Variants in ADAMTS19 observed in about 807,000 individuals in gnomAD.
ADAMTS19 encodes the protein A disintegrin and metalloproteinase with thrombospondin motifs 19.
In ADAMTS19, 93 loss-of-function variants were observed where a neutral mutation model predicts 153.3. The observed-to-expected ratio is 0.61, with a 90% CI of 0.51 to 0.72. The LOEUF (loss-of-function observed/expected upper bound fraction) is 0.72. Ranked by LOEUF, ADAMTS19 falls within the 30% of genes least tolerant of loss-of-function variation. ADAMTS19 has a pLI of 0.00. For synonymous variants in ADAMTS19, 600 were observed against 556.6 expected (o/e 1.08, Z -1.10); for missense variants, 1,482 against 1,552.1 (o/e 0.95, Z 0.76).
intron 11 of ADAMTS19, among the ~76,000 whole-genome samples, chr5:129,644,649 C>T (rs1384407159): frequency 1.3e-5 from 2 of 151,906 alleles, no homozygotes; most frequent in Non-Finnish European, 2.9e-5. Flanking sequence ...TTTCAATTTA[C>T]AATACAAATA....
chr5:129,460,543 T>C (rs1749612740), intron 1 of ADAMTS19, 61 bp downstream of exon 1: 2 of 1,600,022 alleles, frequency 1.2e-6, no homozygotes, highest in Non-Finnish European at 1.7e-6. Flanking sequence ...ACCGCGAACG[T>C]ACGGGTCGGC....
chr5:129,636,616 T>C (rs996352644), intron 10 of ADAMTS19, among the ~76,000 whole-genome samples: 9 of 152,190 alleles, frequency 5.9e-5, no homozygotes, highest in African/African-American at 2.2e-4. Flanking sequence ...TAGCTATGTA[T>C]GTGGAGTGGA....
At chr5:129,562,158 G>T (rs1263942824) in intron 7 of ADAMTS19, among the ~76,000 whole-genome samples, 1 of 152,242 alleles carries the variant, frequency 6.6e-6, no homozygotes, top group African/African-American at 2.4e-5. Context: ...AGCACAGCTG[G>T]CTCAGCTCAT....
At chr5:129,624,187 G>C (rs983880235) in intron 10 of ADAMTS19, among the ~76,000 whole-genome samples, 2 of 149,804 alleles carry the variant, frequency 1.3e-5, no homozygotes, top group Admixed American at 1.3e-4. Flanking sequence ...AAAGGAAATG[G>C]TGTTGCTATG....
At position 129,526,295 on chromosome 5, in the gene ADAMTS19, C is replaced by T; in HGVS notation, c.925C>T (p.Pro309Ser). 6.3e-7 allele frequency: 1 copy of T among 1,583,636 alleles called. No homozygotes were observed. The highest frequency in any genetic ancestry group is 8.6e-7 in the Non-Finnish European group (1 of 1,168,640). ...YCGIISDKGRPRSRKIAESGR... is the reference protein window; with the variant it reads ...YCGIISDKGRSRSRKIAESGR... ...ATTCTCTGTTGCAGATAAAGGAAGA[C>T]CTAGGTCTAGAAAAATAGCAGAAAG... Residue 309 changes from proline to serine, a missense_variant, in exon 4 of 23, where the codon CCT (proline) becomes TCT (serine). Coordinates refer to ENST00000274487, the MANE Select transcript of ADAMTS19 (RefSeq NM_133638.6).
At position 129,737,299 on chromosome 5, in the gene ADAMTS19, A is replaced by G. The variant is rs1757712067; in HGVS notation, c.*81A>G. 7.9e-7 allele frequency: 1 copy of G among 1,273,358 alleles called. No homozygotes were observed. Among genetic ancestry groups the G allele is most frequent in the Admixed American group, 3.1e-5 (1 of 32,402 alleles). 78.9% of individuals were successfully genotyped at this position (1,273,358 alleles called of 1,614,324 possible). On this transcript the variant is annotated 3_prime_UTR_variant, in exon 23 of 23. Coordinates refer to ENST00000274487, the MANE Select transcript of ADAMTS19 (RefSeq NM_133638.6). ...ACACACTAGCATGTTTTTCAGACCA[A>G]ATATTATCAGATTACATATAATTTA... is the stretch of plus-strand genomic sequence containing the variant.
intron 21 of ADAMTS19, among the ~76,000 whole-genome samples, chr5:129,730,092 G>A (rs192216161): frequency 6.6e-6 from 1 of 152,012 alleles, no homozygotes; most frequent in Non-Finnish European, 1.5e-5. Context: ...AAACTGTATT[G>A]CATTGTCCTG....
intron 6 of ADAMTS19, among the ~76,000 whole-genome samples, chr5:129,546,982 T>A (rs1392239968): frequency 6.6e-6 from 1 of 151,020 alleles, no homozygotes; most frequent in Non-Finnish European, 1.5e-5. Flanking sequence ...GAGGAAGAGC[T>A]TTAGACATTC....
Position 129,737,058 on chromosome 5 carries a change from G to A in ADAMTS19, c.3491-9G>A. On this transcript the variant is annotated splice_polypyrimidine_tract_variant and intron_variant, in intron 22 of 22. Coordinates refer to ENST00000274487, the MANE Select transcript of ADAMTS19 (RefSeq NM_133638.6). ...GCATGGAGTGAATTCACTATGTTCT[G>A]TTTCACAGCTGCTCTGACTTTCAAG... is the stretch of plus-strand genomic sequence containing the variant. The A allele has an allele frequency of 6.3e-7, 1 of 1,578,004 alleles. No homozygotes were observed.
intron 7 of ADAMTS19, among the ~76,000 whole-genome samples, chr5:129,564,252 C>T (rs141091940): frequency 2.0e-5 from 3 of 152,060 alleles, no homozygotes; most frequent in African/African-American, 7.2e-5. Flanking sequence ...CTTGTGAGAC[C>T]TTAAGCAGAG....
At chr5:129,498,234 T>A (rs1750988380) in intron 2 of ADAMTS19, among the ~76,000 whole-genome samples, 1 of 152,060 alleles carries the variant, frequency 6.6e-6, no homozygotes, top group South Asian at 2.1e-4. Context: ...AAGTCTTGTG[T>A]CTCTCCATTT....
At chr5:129,502,211 G>A (rs1164495460) in intron 2 of ADAMTS19, among the ~76,000 whole-genome samples, 2 of 152,164 alleles carry the variant, frequency 1.3e-5, no homozygotes, top group Non-Finnish European at 1.5e-5. Context: ...AGAAAAGTGG[G>A]CAAGGATCAA....
At chr5:129,605,761 T>C (rs1484449520) in intron 8 of ADAMTS19, among the ~76,000 whole-genome samples, 1 of 152,142 alleles carries the variant, frequency 6.6e-6, no homozygotes, top group African/African-American at 2.4e-5. Flanking sequence ...TAATAGAGTT[T>C]TACATTTGTA....
At chr5:129,556,779 G>A (rs1753328947) in intron 7 of ADAMTS19, among the ~76,000 whole-genome samples, 2 of 152,176 alleles carry the variant, frequency 1.3e-5, no homozygotes, top group Non-Finnish European at 2.9e-5. Context: ...GGGGTTACTA[G>A]TGAAGAAATG....
intron 8 of ADAMTS19, among the ~76,000 whole-genome samples, chr5:129,598,175 AT>A (rs1293453795): frequency 6.6e-6 from 1 of 152,094 alleles, no homozygotes; most frequent in Non-Finnish European, 1.5e-5. Flanking sequence ...TAAAAGTAAG[AT>A]TTGCAGACCT....
At chr5:129,658,060 A>G (rs1383819178) in intron 14 of ADAMTS19, among the ~76,000 whole-genome samples, 4 of 152,094 alleles carry the variant, frequency 2.6e-5, no homozygotes, top group Non-Finnish European at 1.5e-5. Flanking sequence ...CAAGGCAGGC[A>G]GATTACTTGA....
intron 7 of ADAMTS19, among the ~76,000 whole-genome samples, chr5:129,595,905 A>C (rs999110566): frequency 6.6e-6 from 1 of 151,978 alleles, no homozygotes; most frequent in Non-Finnish European, 1.5e-5. Flanking sequence ...AAATATTGCC[A>C]TTTTTACTGA....
intron 8 of ADAMTS19, among the ~76,000 whole-genome samples, chr5:129,598,777 T>C (rs533857150): frequency 6.6e-6 from 1 of 152,312 alleles, no homozygotes; most frequent in African/African-American, 2.4e-5. Context: ...AGATATGCAG[T>C]TGTCCCTCGG....
At position 129,615,554 on chromosome 5, in the gene ADAMTS19, T is replaced by C. The variant is rs1225321838; in HGVS notation, c.1479-5064T>C. Among the ~76,000 whole-genome samples the C allele has an allele frequency of 2.0e-5, 3 of 151,986 alleles. No individual in the cohort carries two copies. In the Admixed American group the frequency reaches 2.0e-4, roughly 10 times the overall value. ...TGATTCTGATGCAAGTGGTTCATTA[T>C]TAACATTTTTAGAATCTCTGTTTGC... On this transcript the variant is annotated intron_variant, in intron 8 of 22. Transcript: ENST00000274487.
Sources: gnomAD v4.1 joint callset for allele counts (sites outside exome capture counted in the v4.1 genomes callset) on GRCh38, gnomAD v4.1.1 for gene constraint, MANE v1.5 for transcripts, NCBI Gene and HGNC (gene_info 2026-07-23, HGNC 2026-07-21) for gene names.